Variants in HNRNPD observed in about 807,000 individuals in gnomAD.
HNRNPD encodes the protein heterogeneous nuclear ribonucleoprotein D0.
In HNRNPD, 3 loss-of-function variants were observed where a neutral mutation model predicts 47.9. The ratio of observed to expected loss-of-function variants is 0.06; its 90% confidence interval spans 0.03 to 0.16. The LOEUF (loss-of-function observed/expected upper bound fraction) is 0.16. HNRNPD is among the 10% of genes least tolerant of loss of function. The pLI is 1.00. For missense variants in HNRNPD, 287 were observed against 454.2 expected (o/e 0.63, Z 3.35); for synonymous variants, 171 against 165.1 (o/e 1.04, Z -0.28).
At chr4:82,355,752 T>C in intron 7 of HNRNPD, 1 of 265,170 alleles carries the variant, frequency 3.8e-6, no homozygotes, top group Non-Finnish European at 7.1e-6. Flanking sequence ...CCACAATCAG[T>C]GCTTAGTATC....
In HNRNPD at chr4:82,357,298, G is replaced by C; in HGVS notation, c.753+15C>G. 6.3e-7 allele frequency: 1 copy of C among 1,599,266 alleles called. No individual in the cohort carries two copies. The highest frequency in any genetic ancestry group is 8.5e-7 in the Non-Finnish European group (1 of 1,174,368). Reference sequence around the variant, plus strand: ...CAGCTAGTTTTCTCTACAAGTAAATGGATGCTTAACTTACTTTACTAAGAC... The same window carrying C: ...CAGCTAGTTTTCTCTACAAGTAAATCGATGCTTAACTTACTTTACTAAGAC... On this transcript the variant is annotated intron_variant, in intron 5 of 8. Transcript: ENST00000313899.
intron 1 of HNRNPD, among the ~76,000 whole-genome samples, chr4:82,372,924 G>A (rs1389469891): frequency 6.6e-6 from 1 of 152,220 alleles, no homozygotes; most frequent in Non-Finnish European, 1.5e-5. Flanking sequence ...GGCCGACAAG[G>A]GAGAGGCAGA....
intron 2 of HNRNPD, among the ~76,000 whole-genome samples, chr4:82,362,880 G>A (rs570056974): frequency 1.3e-5 from 2 of 152,072 alleles, no homozygotes; most frequent in African/African-American, 2.4e-5. Flanking sequence ...GATTACAGGC[G>A]GAAGCTACCA....
intron 2 of HNRNPD, among the ~76,000 whole-genome samples, chr4:82,369,295 A>T (rs58573302): frequency 2.0e-5 from 3 of 152,216 alleles, no homozygotes; most frequent in African/African-American, 4.8e-5. Flanking sequence ...ACGGATGTTA[A>T]TGTGGGAAAG....
At chr4:82,360,352 ACT>A (rs1386160810) in intron 2 of HNRNPD, among the ~76,000 whole-genome samples, 7 of 152,018 alleles carry the variant, frequency 4.6e-5, no homozygotes, top group Admixed American at 2.6e-4. Flanking sequence ...CCACCAAGAC[ACT>A]CTAAGACCAA....
chr4:82,355,460 C>G, intron 7 of HNRNPD, 59 bp from the exon 8 acceptor site: 1 of 1,205,734 alleles, frequency 8.3e-7, no homozygotes. Context: ...ATAATCAGAA[C>G]AGTACCTAAT....
At position 82,355,376 on chromosome 4, in the gene HNRNPD, T is replaced by A. The variant is rs1338664297; in HGVS notation, c.1026A>T (p.Val342=). ...TATTTTGATGACCACCTCGCCTGGA[T>A]ACCTTCCCATAACCACTCTGCTGGT... ...YSNQQSGYGK[V]SRRGGHQNSY... is the part of the protein sequence containing the mutation. Residue 342 remains valine (V), a synonymous_variant, in exon 8 of 9, where the codon GTA becomes GTT. Transcript: ENST00000313899. The A allele has an allele frequency of 1.9e-6, 3 of 1,613,754 alleles. No homozygotes were observed. The highest frequency in any genetic ancestry group is 2.2e-5 in the East Asian group (1 of 44,882).
At chr4:82,362,000 C>A (rs1719470770) in intron 2 of HNRNPD, among the ~76,000 whole-genome samples, 1 of 152,222 alleles carries the variant, frequency 6.6e-6, no homozygotes, top group Non-Finnish European at 1.5e-5. Flanking sequence ...TATTATTCCA[C>A]CTCCCTTAAA....
chr4:82,355,414 A>G lies in HNRNPD; in HGVS notation c.1001-13T>C, dbSNP rs1723674567. On this transcript the variant is annotated splice_polypyrimidine_tract_variant and intron_variant, in intron 7 of 8. Transcript: ENST00000313899. ...CCACTCTGCTGGTCTAAAATAAAAC[A>G]AGTGTTAGAACCAGAACGGTAGTGG... 2 of 1,602,508 alleles carry G rather than the reference A, an allele frequency of 1.2e-6. No homozygotes were observed. Among genetic ancestry groups the G allele is most frequent in the Non-Finnish European group, 1.7e-6 (2 of 1,169,500 alleles).
At chr4:82,371,182 T>G (rs1262793121) in intron 2 of HNRNPD, among the ~76,000 whole-genome samples, 2 of 151,986 alleles carry the variant, frequency 1.3e-5, no homozygotes, top group African/African-American at 4.8e-5. Flanking sequence ...CCATTAAACT[T>G]AAATTCCAAC....
At chr4:82,357,709 T>G (rs1431027627) in intron 4 of HNRNPD, 1 of 266,500 alleles carries the variant, frequency 3.8e-6, no homozygotes, top group Non-Finnish European at 7.0e-6. Context: ...GGTCACAAAT[T>G]CAAATGCCCA....
At chr4:82,365,341 T>C (rs1719696929) in intron 2 of HNRNPD, among the ~76,000 whole-genome samples, 1 of 152,206 alleles carries the variant, frequency 6.6e-6, no homozygotes, top group Admixed American at 6.5e-5. Flanking sequence ...TAAAGTAATG[T>C]TACTCAAGCA....
intron 2 of HNRNPD, among the ~76,000 whole-genome samples, chr4:82,362,042 T>C (rs904762160): frequency 6.6e-6 from 1 of 152,238 alleles, no homozygotes; most frequent in African/African-American, 2.4e-5. Flanking sequence ...CTTTCCCCAA[T>C]TGTTTTTAAC....
Position 82,358,682 on chromosome 4 carries a change from C to G in HNRNPD, c.598G>C (p.Glu200Gln), listed in dbSNP as rs1723830956. 6.2e-7 allele frequency: 1 copy of G among 1,608,548 alleles called. No homozygotes were observed. Among genetic ancestry groups the G allele is most frequent in the East Asian group, 2.2e-5 (1 of 44,802 alleles). The stretch of plus-strand genomic sequence containing the variant: ...ACCTCACCAAAACCACCAAAGTACT[C>G]CCTTATTTTCTCTTCAGGTGTATCT... ...SPDTPEEKIR[E>Q]YFGGFGEVES... is the part of the protein sequence containing the mutation. The change falls in exon 4 of 9, where the codon GAG becomes CAG. Residue 200 changes from glutamate to glutamine, a missense_variant. Glu to Gln is a conservative substitution (Grantham distance 29). Coordinates refer to ENST00000313899, the MANE Select transcript of HNRNPD (RefSeq NM_031370.3).
At chr4:82,373,241 T>G (rs1416911598) in intron 1 of HNRNPD, 16 of 740,112 alleles carry the variant, frequency 2.2e-5, no homozygotes, top group Non-Finnish European at 3.5e-5. Flanking sequence ...ACGTGTGTGA[T>G]GGGGGAGGGG....
At chr4:82,358,331 T>A (rs1470076441) in intron 4 of HNRNPD, 1 of 220,650 alleles carries the variant, frequency 4.5e-6, no homozygotes, top group Non-Finnish European at 9.0e-6. Context: ...TACACCCTAT[T>A]CTTAATTCCT....
chr4:82,361,775 C>G (rs1293207149), intron 2 of HNRNPD, among the ~76,000 whole-genome samples: 1 of 152,138 alleles, frequency 6.6e-6, no homozygotes, highest in African/African-American at 2.4e-5. Context: ...AGCAGATTTT[C>G]TTAAATATCA....
At chr4:82,364,184 A>G (rs1338571582) in intron 2 of HNRNPD, among the ~76,000 whole-genome samples, 1 of 151,992 alleles carries the variant, frequency 6.6e-6, no homozygotes, top group Admixed American at 6.6e-5. Context: ...CGCCCAGGCT[A>G]GTCTTCCAAC....
At chr4:82,357,699 G>A in intron 4 of HNRNPD, 1 of 276,946 alleles carries the variant, frequency 3.6e-6, no homozygotes, top group Non-Finnish European at 6.7e-6. Context: ...CTAACTCAAG[G>A]GTCACAAATT....
Sources: gnomAD v4.1 joint callset for allele counts (sites outside exome capture counted in the v4.1 genomes callset) on GRCh38, gnomAD v4.1.1 for gene constraint, MANE v1.5 for transcripts, NCBI Gene and HGNC (gene_info 2026-07-23, HGNC 2026-07-21) for gene names.